Variants in ANK3 observed in about 807,000 individuals in gnomAD.
ANK3 encodes the protein ankyrin-3.
Under a neutral mutation model 370.9 loss-of-function variants are expected in ANK3, and 57 were observed. The observed-to-expected ratio is 0.15, with a 90% CI of 0.12 to 0.19. The LOEUF is 0.19. Among genes scored for constraint, ANK3 ranks in the 10% least tolerant of loss-of-function variants. The pLI, the probability that ANK3 is intolerant of heterozygous loss-of-function variation, is 1.00. For synonymous variants in ANK3, 1,929 were observed against 1,946.3 expected (o/e 0.99, Z 0.23); for missense variants, 4,439 against 5,302.1 (o/e 0.84, Z 5.06).
At chr10:60,373,381 G>A (rs1038134643) in intron 1 of ANK3, among the ~76,000 whole-genome samples, 1 of 152,146 alleles carries the variant, frequency 6.6e-6, no homozygotes, top group Non-Finnish European at 1.5e-5. Context: ...ACAAGATCCT[G>A]GGAGTTGAAG....
chr10:60,503,094 A>G (rs2075847295), intron 2 of ANK3, among the ~76,000 whole-genome samples: 1 of 152,042 alleles, frequency 6.6e-6, no homozygotes. Flanking sequence ...TCATACATAA[A>G]CAATCAGCAA....
intron 7 of ANK3, among the ~76,000 whole-genome samples, chr10:60,240,054 TAC>T (rs2097406343): frequency 1.4e-5 from 1 of 70,446 alleles, no homozygotes; most frequent in Non-Finnish European, 3.3e-5. Flanking sequence ...TATACATATA[TAC>T]ACATATATAC....
chr10:60,550,896 C>G (rs1030606721), intron 2 of ANK3, among the ~76,000 whole-genome samples: 1 of 152,004 alleles, frequency 6.6e-6, no homozygotes, highest in Non-Finnish European at 1.5e-5. Context: ...TCAACCATAT[C>G]ATTCCAAATA....
At chr10:60,704,580 C>T (rs2079588204) in intron 1 of ANK3, among the ~76,000 whole-genome samples, 1 of 151,990 alleles carries the variant, frequency 6.6e-6, no homozygotes, top group African/African-American at 2.4e-5. Context: ...TTAGAAAAAC[C>T]TAAAGAATTT....
At chr10:60,401,661 C>T (rs2063354138) in intron 2 of ANK3, among the ~76,000 whole-genome samples, 1 of 152,060 alleles carries the variant, frequency 6.6e-6, no homozygotes, top group African/African-American at 2.4e-5. Flanking sequence ...AATGAATATC[C>T]ATGCAAATCA....
rs550363389 is a variant in ANK3 at position 60,310,177 on chromosome 10, G to A, written c.115-30538C>T. 2.0e-3 allele frequency among the ~76,000 whole-genome samples: 311 copies of A among 151,918 alleles called. 2 individuals carry two copies. The highest frequency in any genetic ancestry group is 6.2e-3 in the African/African-American group (256 of 41,438). On this transcript the variant is annotated intron_variant, in intron 1 of 43. Coordinates refer to ENST00000280772, the MANE Select transcript of ANK3 (RefSeq NM_020987.5). Reference sequence around the variant, plus strand: ...TGATCTCAAGAGATCCTCCTGCCTCGGCCTCCCAGAGTGGTGGGAATATAG... The same window carrying A: ...TGATCTCAAGAGATCCTCCTGCCTCAGCCTCCCAGAGTGGTGGGAATATAG...
chr10:60,673,853 G>A (rs1564529880), intron 1 of ANK3, among the ~76,000 whole-genome samples: 1 of 152,172 alleles, frequency 6.6e-6, no homozygotes, highest in African/African-American at 2.4e-5. Flanking sequence ...CAGAGGAGTA[G>A]TCCAATTAGA....
At chr10:60,240,046 TACATATATAC>T (rs1270124067) in intron 7 of ANK3, among the ~76,000 whole-genome samples, 2 of 119,312 alleles carry the variant, frequency 1.7e-5, no homozygotes, top group African/African-American at 2.9e-5. Context: ...CACATATATA[TACATATATAC>T]ACATATATAC....
intron 18 of ANK3, among the ~76,000 whole-genome samples, chr10:60,174,758 G>T (rs980341982): frequency 6.6e-6 from 1 of 152,090 alleles, no homozygotes; most frequent in Non-Finnish European, 1.5e-5. Flanking sequence ...ATTTATTTGA[G>T]ACAGGGTCTT....
intron 40 of ANK3, 84 bp downstream of exon 40, chr10:60,063,027 T>C: frequency 7.3e-7 from 1 of 1,364,184 alleles, no homozygotes; most frequent in Non-Finnish European, 9.8e-7. Flanking sequence ...CACAGTTTAG[T>C]TGCTTTTAAG....
At chr10:60,255,162 C>T (rs775405298) in intron 7 of ANK3, among the ~76,000 whole-genome samples, 1 of 152,164 alleles carries the variant, frequency 6.6e-6, no homozygotes, top group Non-Finnish European at 1.5e-5. Flanking sequence ...ATCATTATTA[C>T]TATAAATATC....
intron 2 of ANK3, among the ~76,000 whole-genome samples, chr10:60,560,820 C>T (rs1297797058): frequency 6.6e-6 from 1 of 152,092 alleles, no homozygotes; most frequent in Non-Finnish European, 1.5e-5. Context: ...TAAATATTTG[C>T]TTGAATACAC....
At chr10:60,609,452 G>C (rs1216901034) in intron 2 of ANK3, among the ~76,000 whole-genome samples, 1 of 152,038 alleles carries the variant, frequency 6.6e-6, no homozygotes, top group Non-Finnish European at 1.5e-5. Context: ...TAGAATCCCA[G>C]GGTGCGTTTA....
chr10:60,060,091 G>C (rs1156712727), intron 40 of ANK3: 3 of 1,033,536 alleles, frequency 2.9e-6, no homozygotes, highest in Admixed American at 3.0e-5. Flanking sequence ...AATTATATCA[G>C]GCATGAAAAA....
At chr10:60,442,296 A>G (rs185335060) in intron 2 of ANK3, among the ~76,000 whole-genome samples, 90 of 151,958 alleles carry the variant, frequency 5.9e-4, no homozygotes, top group African/African-American at 2.1e-3. Context: ...GGGTTTCACA[A>G]AATTGGTCAG....
Position 60,278,822 on chromosome 10 carries a change from C to G in ANK3, c.366G>C (p.Val122=). The G allele has an allele frequency of 6.2e-7, 1 of 1,613,904 alleles. No homozygotes were observed. The highest frequency in any genetic ancestry group is 8.5e-7 in the Non-Finnish European group (1 of 1,179,924). The part of the protein sequence containing the change: ...HIASLAGQAE[V]VKVLVTNGAN... ...CTCCATTTGTAACCAAGACTTTTAC[C>G]ACCTCTGCTTGCCCAGCCAAAGATG... Residue 122 remains valine, a synonymous_variant, in exon 4 of 44, where the codon GTG becomes GTC. Transcript: ENST00000280772.
chr10:60,135,750 C>T (rs2132192667), intron 24 of ANK3, among the ~76,000 whole-genome samples: 1 of 152,224 alleles, frequency 6.6e-6, no homozygotes, highest in Non-Finnish European at 1.5e-5. Flanking sequence ...AATTTCTTTT[C>T]CCCACTGCCT....
chr10:60,158,721 G>T (rs1182348798), intron 23 of ANK3, among the ~76,000 whole-genome samples: 1 of 117,076 alleles, frequency 8.5e-6, no homozygotes, highest in Non-Finnish European at 1.6e-5. Context: ...TGTCACCCAC[G>T]CTGGAGAGCA....
chr10:60,088,433 CT>C (rs1030711545), intron 28 of ANK3, 75 bp from the exon 29 acceptor site: 571 of 1,321,534 alleles, frequency 4.3e-4, no homozygotes, highest in Middle Eastern at 9.0e-4. Context: ...AATGATATAT[CT>C]TTTTTTTTGA....
Sources: gnomAD v4.1 joint callset for allele counts (sites outside exome capture counted in the v4.1 genomes callset) on GRCh38, gnomAD v4.1.1 for gene constraint, MANE v1.5 for transcripts, NCBI Gene and HGNC (gene_info 2026-07-23, HGNC 2026-07-21) for gene names.